Variants in ITPKB observed in about 807,000 individuals in gnomAD.
ITPKB encodes the protein IP3 3-kinase B.
In ITPKB, 13 loss-of-function variants were observed where a neutral mutation model predicts 69.4. The observed-to-expected ratio is 0.19, with a 90% CI of 0.12 to 0.30. The LOEUF is 0.30. Ranked by LOEUF, ITPKB falls within the 10% of genes least tolerant of loss-of-function variation. The pLI, the probability that ITPKB is intolerant of heterozygous loss-of-function variation, is 1.00. For missense variants in ITPKB, 1,240 were observed against 1,250.5 expected, an observed-to-expected ratio of 0.99 and a Z score of 0.13; for synonymous variants, 584 against 513.7, an observed-to-expected ratio of 1.14 and a Z score of -1.85.
intron 2 of ITPKB, among the ~76,000 whole-genome samples, chr1:226,677,051 G>C (rs899164386): frequency 6.6e-6 from 1 of 152,160 alleles, no homozygotes; most frequent in Non-Finnish European, 1.5e-5. Flanking sequence ...CCTCCTCCCA[G>C]AGCCCAGGCT....
At chr1:226,695,910 G>C (rs987712688) in intron 2 of ITPKB, among the ~76,000 whole-genome samples, 14 of 152,132 alleles carry the variant, frequency 9.2e-5, no homozygotes, top group African/African-American at 3.4e-4. Flanking sequence ...CGGGGAGGAG[G>C]GGGAGGAAAC....
chr1:226,704,727 C>T (rs991465585), intron 2 of ITPKB, among the ~76,000 whole-genome samples: 4 of 152,206 alleles, frequency 2.6e-5, no homozygotes, highest in African/African-American at 7.2e-5. Flanking sequence ...AAGTAATGGA[C>T]GTTCAACAAT....
chr1:226,719,766 G>A (rs1657187907), intron 2 of ITPKB, among the ~76,000 whole-genome samples: 1 of 152,192 alleles, frequency 6.6e-6, no homozygotes, highest in Admixed American at 6.5e-5. Flanking sequence ...ACGCAGCACA[G>A]AGGCCCACGA....
At chr1:226,724,649 A>G (rs763202281) in intron 2 of ITPKB, among the ~76,000 whole-genome samples, 2 of 152,138 alleles carry the variant, frequency 1.3e-5, no homozygotes, top group African/African-American at 2.4e-5. Context: ...GAAGTAACAG[A>G]GTTTAGACTC....
chr1:226,649,550 G>A (rs1302864826), intron 2 of ITPKB, among the ~76,000 whole-genome samples: 1 of 151,004 alleles, frequency 6.6e-6, no homozygotes, highest in African/African-American at 2.4e-5. Context: ...GCATGCGTGT[G>A]TGATATGCAC....
intron 2 of ITPKB, among the ~76,000 whole-genome samples, chr1:226,731,762 T>G (rs1223795746): frequency 6.6e-6 from 1 of 152,148 alleles, no homozygotes; most frequent in Non-Finnish European, 1.5e-5. Flanking sequence ...TCAAAGCTGC[T>G]GAGCCCTTGC....
intron 2 of ITPKB, chr1:226,674,812 T>A (rs1430877429): frequency 1.3e-5 from 2 of 152,276 alleles, no homozygotes; most frequent in Admixed American, 6.5e-5. Flanking sequence ...TCTGCTCCCA[T>A]CCCACTTAAG....
At chr1:226,711,299 T>G (rs1259773066) in intron 2 of ITPKB, among the ~76,000 whole-genome samples, 1 of 152,084 alleles carries the variant, frequency 6.6e-6, no homozygotes, top group Non-Finnish European at 1.5e-5. Flanking sequence ...CAAAATCCTT[T>G]GACTCCAGTT....
intron 2 of ITPKB, among the ~76,000 whole-genome samples, chr1:226,702,019 G>C (rs759699971): frequency 6.6e-6 from 1 of 152,154 alleles, no homozygotes; most frequent in Non-Finnish European, 1.5e-5. Context: ...GCTTGCCTAA[G>C]ACCAGAGAAA....
chr1:226,707,130 A>C (rs1395342038), intron 2 of ITPKB: 1 of 833,204 alleles, frequency 1.2e-6, no homozygotes, highest in Non-Finnish European at 1.4e-6. Context: ...AAATAAAGGG[A>C]CCTAGTAGAA....
At chr1:226,663,670 C>A (rs1057482303) in intron 2 of ITPKB, among the ~76,000 whole-genome samples, 1 of 152,050 alleles carries the variant, frequency 6.6e-6, no homozygotes, top group Non-Finnish European at 1.5e-5. Context: ...TATGCATATA[C>A]CACCATGCCT....
At chr1:226,663,169 TG>T (rs1381456108) in intron 2 of ITPKB, among the ~76,000 whole-genome samples, 1 of 152,192 alleles carries the variant, frequency 6.6e-6, no homozygotes, top group Non-Finnish European at 1.5e-5. Context: ...ATAAACAGAT[TG>T]ACTCATCGCC....
At chr1:226,667,374 G>A (rs945068286) in intron 2 of ITPKB, among the ~76,000 whole-genome samples, 1 of 152,234 alleles carries the variant, frequency 6.6e-6, no homozygotes, top group African/African-American at 2.4e-5. Flanking sequence ...GAAAGCGGAA[G>A]AGTGCTCAGA....
At chr1:226,680,167 G>A (rs1656042906) in intron 2 of ITPKB, among the ~76,000 whole-genome samples, 1 of 152,174 alleles carries the variant, frequency 6.6e-6, no homozygotes, top group Non-Finnish European at 1.5e-5. Flanking sequence ...GCCCAGAACT[G>A]AGCCTCCAGG....
chr1:226,640,194 C>A (rs1668929026), intron 5 of ITPKB, among the ~76,000 whole-genome samples: 1 of 152,192 alleles, frequency 6.6e-6, no homozygotes, highest in South Asian at 2.1e-4. Flanking sequence ...CCAATACAGC[C>A]CTGCCCATCT....
chr1:226,634,653 A>G lies in ITPKB; in HGVS notation c.*18T>C. ...AGGAAAGGAGGCCCAGGCGGGGGCCAGGGAGGGCGTGGGCAGCTCAGGCGA... is the reference window on the plus strand; with the variant it reads ...AGGAAAGGAGGCCCAGGCGGGGGCCGGGGAGGGCGTGGGCAGCTCAGGCGA... On this transcript the variant is annotated 3_prime_UTR_variant, in exon 8 of 8. Coordinates refer to ENST00000429204, the MANE Select transcript of ITPKB (RefSeq NM_002221.4). This position sits in a 1 kb window ranked among gnomAD's most constrained non-coding sequence, Gnocchi z 6.3. The G allele has an allele frequency of 1.3e-6, 1 of 776,602 alleles. No homozygotes were observed. Among genetic ancestry groups the G allele is most frequent in the South Asian group, 1.3e-5 (1 of 74,164 alleles). The allele number at this position is 776,602 out of a possible 1,614,324, so 48.1% of individuals were successfully genotyped here.
rs199846780 is a variant in ITPKB, at chr1:226,706,658, A to AGT, written c.1932+28867_1932+28868dup. Among the ~76,000 whole-genome samples, 1,403 of 152,336 alleles carry AGT rather than the reference A, an allele frequency of 9.2e-3. 26 individuals carry two copies. The highest frequency in any genetic ancestry group is 0.032 in the African/African-American group (1,341 of 41,566). On this transcript the variant is annotated intron_variant, in intron 2 of 7. Transcript: ENST00000429204. The stretch of plus-strand genomic sequence containing the variant: ...AGATAAGACCCAGAAAACTCAGTTG[A>AGT]GTGCTCCAGGTGACAGGGCAAATTA...
chr1:226,653,004 T>C (rs778176217), intron 2 of ITPKB, among the ~76,000 whole-genome samples: 12 of 152,116 alleles, frequency 7.9e-5, no homozygotes, highest in South Asian at 2.1e-4. Context: ...CTCGGGGAGA[T>C]AGGAGGGCCC....
intron 2 of ITPKB, among the ~76,000 whole-genome samples, chr1:226,685,033 C>T (rs1215464470): frequency 1.3e-5 from 2 of 152,200 alleles, no homozygotes; most frequent in Admixed American, 1.3e-4. Flanking sequence ...CTTTCCTTTT[C>T]CCTTTGAATG....
Sources: allele counts gnomAD v4.1 joint callset (sites outside exome capture counted in the v4.1 genomes callset), GRCh38; gene constraint gnomAD v4.1.1; non-coding constraint Gnocchi (gnomAD v3.1); transcripts MANE v1.5; gene names NCBI Gene and HGNC (gene_info 2026-07-23, HGNC 2026-07-21).